The following RNF180 variants were observed in gnomAD, a reference collection of about 807,000 sequenced individuals.
RNF180 encodes ring finger protein 180.
In RNF180, 38 loss-of-function variants were observed where a neutral mutation model predicts 59.2. The observed-to-expected ratio is 0.64, with a 90% CI of 0.50 to 0.84. The LOEUF (loss-of-function observed/expected upper bound fraction) is 0.84, where lower values mean the gene tolerates loss of function less well. Among genes scored for constraint, RNF180 ranks in the 40% least tolerant of loss-of-function variants. The pLI, the probability that RNF180 is intolerant of heterozygous loss-of-function variation, is 0.00. For missense variants in RNF180, 705 were observed against 700.9 expected (o/e 1.01, Z -0.07); for synonymous variants, 262 against 240.3 (o/e 1.09, Z -0.84).
chr5:64,234,662 C>G, intron 5 of RNF180, among the ~76,000 whole-genome samples: 1 of 129,370 alleles, frequency 7.7e-6, no homozygotes, highest in African/African-American at 2.8e-5. Flanking sequence ...TGCCGTGGCG[C>G]CATCTTGGCT....
intron 7 of RNF180, among the ~76,000 whole-genome samples, chr5:64,333,622 T>C (rs1745005927): frequency 6.6e-6 from 1 of 151,394 alleles, no homozygotes; most frequent in Non-Finnish European, 1.5e-5. Context: ...CCTTCTATGC[T>C]ATACCCAAAG....
chr5:64,175,392 CAT>C lies in RNF180; in HGVS notation c.-1+9440_-1+9441del, dbSNP rs1421798771. On this transcript the variant is annotated intron_variant, in intron 1 of 7. Transcript: ENST00000389100. ...ATTTAAGAGACAGTCCTTTTCCTAA[CAT>C]GTGCTTATTATACCTTTATCAAAAA... Among the ~76,000 whole-genome samples the C allele has an allele frequency of 1.8e-4, 28 of 152,268 alleles. No homozygotes were observed. The South Asian group carries it at 4.6e-3, about 25-fold the overall frequency.
chr5:64,179,326 T>C (rs1005930359), intron 1 of RNF180, among the ~76,000 whole-genome samples: 1 of 152,204 alleles, frequency 6.6e-6, no homozygotes, highest in Non-Finnish European at 1.5e-5. Context: ...TCCTTTTTTG[T>C]TTTAAAAATA....
In RNF180 at chr5:64,204,028, A is replaced by G. The variant is rs1190224489; in HGVS notation, c.135+3086A>G. Among the ~76,000 whole-genome samples, 4 of 152,188 alleles carry G rather than the reference A, an allele frequency of 2.6e-5. No homozygotes were observed. The East Asian group carries it at 5.8e-4, about 22-fold the overall frequency. On this transcript the variant is annotated intron_variant, in intron 2 of 7. Coordinates refer to ENST00000389100, the MANE Select transcript of RNF180 (RefSeq NM_001113561.2). ...GTAACTGTACAGTTAAAAATAAGCC[A>G]TATATATAATAAGTGTTTATGAACT...
intron 5 of RNF180, among the ~76,000 whole-genome samples, chr5:64,242,697 A>G (rs1420516107): frequency 6.6e-6 from 1 of 152,162 alleles, no homozygotes; most frequent in Non-Finnish European, 1.5e-5. Context: ...AAAAGATGTA[A>G]ATAATACAGG....
Position 64,331,427 on chromosome 5 carries a change from C to T in RNF180, c.1579+1021C>T, listed in dbSNP as rs932213392. ...GGCCACCCATGAACCAGTCAGCATG[C>T]ACTTCCTCCCCTCTTTAGCCCATAA... On this transcript the variant is annotated intron_variant, in intron 7 of 7. Transcript: ENST00000389100. Among the ~76,000 whole-genome samples the T allele has an allele frequency of 5.3e-5, 8 of 152,206 alleles. No individual in the cohort carries two copies. The East Asian group carries it at 7.7e-4, about 15-fold the overall frequency.
At chr5:64,225,078 T>A (rs10939987) in intron 5 of RNF180, among the ~76,000 whole-genome samples, 39,301 of 152,084 alleles carry the variant, frequency 0.26, 5,229 homozygotes, top group Middle Eastern at 0.32. Flanking sequence ...AGATGCTAAG[T>A]TTTATGTAAA....
chr5:64,221,450 C>T (rs1741329670), intron 5 of RNF180, among the ~76,000 whole-genome samples: 1 of 151,986 alleles, frequency 6.6e-6, no homozygotes, highest in African/African-American at 2.4e-5. Flanking sequence ...TACTTTGTGT[C>T]AAATTATTAT....
intron 1 of RNF180, among the ~76,000 whole-genome samples, chr5:64,192,939 A>ATATATATATATATATATATATATATAT (rs1554028955): frequency 7.4e-5 from 10 of 135,468 alleles, no homozygotes; most frequent in African/African-American, 2.4e-4. Flanking sequence ...ATATATATAT[A>ATATATATATATATATATATATATATAT]AAATGAAACA....
At chr5:64,196,108 A>G (rs1272018537) in intron 1 of RNF180, among the ~76,000 whole-genome samples, 1 of 152,178 alleles carries the variant, frequency 6.6e-6, no homozygotes, top group Non-Finnish European at 1.5e-5. Flanking sequence ...AATGTTATTC[A>G]AGGGCCTGTT....
chr5:64,331,441 T>C (rs1325404257), intron 7 of RNF180, among the ~76,000 whole-genome samples: 1 of 152,154 alleles, frequency 6.6e-6, no homozygotes, highest in Admixed American at 6.5e-5. Flanking sequence ...TCCTCCCCTC[T>C]TTAGCCCATA....
At chr5:64,350,353 T>C (rs1745748763) in intron 7 of RNF180, among the ~76,000 whole-genome samples, 1 of 152,136 alleles carries the variant, frequency 6.6e-6, no homozygotes, top group African/African-American at 2.4e-5. Flanking sequence ...TTTTCTCCCG[T>C]TCTGTAGGTT....
At chr5:64,315,268 AT>A (rs1263539826) in intron 5 of RNF180, among the ~76,000 whole-genome samples, 3 of 152,296 alleles carry the variant, frequency 2.0e-5, no homozygotes, top group African/African-American at 7.2e-5. Flanking sequence ...AAATTTTATC[AT>A]TTTGATTGGC....
intron 5 of RNF180, among the ~76,000 whole-genome samples, chr5:64,224,483 G>A (rs184300522): frequency 1.0e-3 from 156 of 152,282 alleles, no homozygotes; most frequent in African/African-American, 3.6e-3. Context: ...ACGAGCAAGG[G>A]GGAAAGAGAA....
intron 1 of RNF180, among the ~76,000 whole-genome samples, chr5:64,175,915 G>A (rs555056823): frequency 3.3e-5 from 5 of 152,128 alleles, no homozygotes; most frequent in Admixed American, 6.5e-5. Context: ...TTCTCTATTG[G>A]CACATAGAAA....
chr5:64,334,894 C>T (rs1410241991), intron 7 of RNF180, among the ~76,000 whole-genome samples: 2 of 152,134 alleles, frequency 1.3e-5, no homozygotes, highest in Non-Finnish European at 2.9e-5. Context: ...ATAAGAGTTA[C>T]TCTAGAATAA....
chr5:64,346,359 CTTTTTTT>C (rs1162054033), intron 7 of RNF180, among the ~76,000 whole-genome samples: 40 of 42,954 alleles, frequency 9.3e-4, no homozygotes, highest in African/African-American at 2.6e-3. Flanking sequence ...TTCTTTTCTT[CTTTTTTT>C]TTTTTTTTTT....
chr5:64,227,959 C>T (rs1190613602), intron 5 of RNF180, among the ~76,000 whole-genome samples: 2 of 152,246 alleles, frequency 1.3e-5, no homozygotes, highest in African/African-American at 2.4e-5. Context: ...GGTAGTGCTT[C>T]CTTGTCCTGC....
chr5:64,185,635 C>T (rs1750831877), intron 1 of RNF180, among the ~76,000 whole-genome samples: 2 of 152,050 alleles, frequency 1.3e-5, no homozygotes, highest in Non-Finnish European at 2.9e-5. Context: ...TTTGGATTTC[C>T]TTTCAATGCC....
Sources: allele counts gnomAD v4.1 joint callset (sites outside exome capture counted in the v4.1 genomes callset), GRCh38; gene constraint gnomAD v4.1.1; transcripts MANE v1.5; gene names NCBI Gene and HGNC (gene_info 2026-07-23, HGNC 2026-07-21).